HERC1: variants seen among roughly 807,000 people sequenced by gnomAD.
HERC1 encodes the protein HECT and RLD domain containing E3 ubiquitin protein ligase family member 1, also known as probable E3 ubiquitin-protein ligase HERC1.
Under a neutral mutation model 554.3 loss-of-function variants are expected in HERC1, and 160 were observed. The ratio of observed to expected loss-of-function variants is 0.29; its 90% CI spans 0.25 to 0.33. The LOEUF is 0.33. HERC1 is among the 10% of genes least tolerant of loss of function. HERC1 has a pLI of 1.00. For missense variants in HERC1, 4,919 were observed against 5,918.5 expected (o/e 0.83, Z 5.54); for synonymous variants, 2,175 against 2,131.7 (o/e 1.02, Z -0.56).
chr15:63,687,237 T>A (rs1380533863), intron 33 of HERC1, among the ~76,000 whole-genome samples: 1 of 152,092 alleles, frequency 6.6e-6, no homozygotes, highest in African/African-American at 2.4e-5. Context: ...CCCTGCAAGT[T>A]CAGGTAAGAA....
intron 37 of HERC1, 101 bp from the exon 38 acceptor site, chr15:63,675,218 C>A: frequency 4.5e-6 from 4 of 895,246 alleles, no homozygotes; most frequent in South Asian, 1.9e-5. Flanking sequence ...ATCATGTACA[C>A]AATACAGAGA....
Position 63,635,952 on chromosome 15 carries a change from C to T in HERC1, c.12414+9G>A. 1 of 1,612,614 alleles carries T rather than the reference C, an allele frequency of 6.2e-7. No homozygotes were observed. Among genetic ancestry groups the T allele is most frequent in the Non-Finnish European group, 8.5e-7 (1 of 1,179,230 alleles). The stretch of plus-strand genomic sequence containing the variant: ...AATGAAAGGCAAACTTATCCATTTC[C>T]TGCCTGACCTGCACCACTTCTTCTC... On this transcript the variant is annotated intron_variant, in intron 65 of 77. Transcript: ENST00000443617.
Position 63,713,371 on chromosome 15 carries a change from C to T in HERC1, c.4445G>A (p.Gly1482Glu), listed in dbSNP as rs762309385. 3 of 1,613,862 alleles carry T rather than the reference C, an allele frequency of 1.9e-6. No individual in the cohort carries two copies. The highest frequency in any genetic ancestry group is 2.5e-6 in the Non-Finnish European group (3 of 1,179,794). Reference protein sequence around the residue: ...LQQPSTSASEGGGLMTRSESL... With the variant: ...LQQPSTSASEEGGLMTRSESL... ...GTCCCACCTGGTCATAAGTCCACCCCCTTCAGAGGCACTTGTTGAAGGTTG... is the reference window on the plus strand; with the variant it reads ...GTCCCACCTGGTCATAAGTCCACCCTCTTCAGAGGCACTTGTTGAAGGTTG... Residue 1482 changes from glycine to glutamate, a missense_variant, in exon 23 of 78, where the codon GGG becomes GAG. By Grantham distance (98) the Gly-to-Glu change is moderately conservative. Transcript: ENST00000443617.
At chr15:63,831,118 T>A (rs1218358908) in intron 1 of HERC1, among the ~76,000 whole-genome samples, 1 of 152,210 alleles carries the variant, frequency 6.6e-6, no homozygotes, top group Non-Finnish European at 1.5e-5. Flanking sequence ...TGTTTTATTT[T>A]GCTTTTGAGA....
intron 24 of HERC1, among the ~76,000 whole-genome samples, chr15:63,710,225 G>A (rs943612363): frequency 1.3e-5 from 2 of 152,182 alleles, no homozygotes; most frequent in African/African-American, 4.8e-5. Context: ...AAGACAAGAT[G>A]TTTGAGTAGG....
chr15:63,612,307 G>A lies in HERC1; in HGVS notation c.14344C>T (p.Leu4782=), dbSNP rs373488853. 6.2e-7 allele frequency: 1 copy of A among 1,613,766 alleles called. No homozygotes were observed. Among genetic ancestry groups the A allele is most frequent in the Non-Finnish European group, 8.5e-7 (1 of 1,179,684 alleles). Residue 4782 remains leucine (L), a synonymous_variant, in exon 77 of 78, where the codon CTA becomes TTA. Coordinates refer to ENST00000443617, the MANE Select transcript of HERC1 (RefSeq NM_003922.4). This position sits in a 1 kb window ranked among gnomAD's most constrained non-coding sequence, Gnocchi z 5.0. ...GAAATGTCAGCAGTGTTGGCTGGTAGTCGAGATCTTCCTGACACAAACCTC... is the reference window on the plus strand; with the variant it reads ...GAAATGTCAGCAGTGTTGGCTGGTAATCGAGATCTTCCTGACACAAACCTC... ...FMRFVSGRSR[L]PANTADISQR...
intron 26 of HERC1, among the ~76,000 whole-genome samples, chr15:63,697,104 T>C (rs915584882): frequency 2.0e-5 from 3 of 152,192 alleles, no homozygotes; most frequent in Non-Finnish European, 1.5e-5. Context: ...TACAATACTA[T>C]CAACTAAACC....
chr15:63,654,185 T>C lies in HERC1; in HGVS notation c.10224A>G (p.Thr3408=). Residue 3408 remains threonine (T), a synonymous_variant, in exon 51 of 78, where the codon ACA becomes ACG. Transcript: ENST00000443617. ...HDRDNQTTLQ[T]LADMGGDLRK... The stretch of plus-strand genomic sequence containing the variant: ...TAAGATCTCCTCCCATATCAGCAAG[T>C]GTCTGCAGAGTAGTTTGGTTGTCAC... 1 of 1,614,014 alleles carries C rather than the reference T, an allele frequency of 6.2e-7. No individual in the cohort carries two copies. The highest frequency in any genetic ancestry group is 1.3e-5 in the African/African-American group (1 of 75,064).
chr15:63,637,694 A>AG, intron 63 of HERC1, 51 bp from the exon 64 acceptor site: 3 of 1,420,020 alleles, frequency 2.1e-6, no homozygotes, highest in Non-Finnish European at 2.9e-6. Flanking sequence ...ATATTGCTTT[A>AG]ACATGCAAGC....
chr15:63,698,387 C>T lies in HERC1; in HGVS notation c.4905+341G>A, dbSNP rs139816941. Among the ~76,000 whole-genome samples, 242 of 143,566 alleles carry T rather than the reference C, an allele frequency of 1.7e-3. 1 individual carries two copies. Among genetic ancestry groups the T allele is most frequent in the Non-Finnish European group, 1.8e-3 (121 of 67,036 alleles). 94.2% of individuals were successfully genotyped at this position (143,566 alleles called of 152,430 possible). A position where few individuals can be genotyped will look rare whatever the true frequency, so the allele number is the denominator to read the frequency against. On this transcript the variant is annotated intron_variant, in intron 26 of 77. Coordinates refer to ENST00000443617, the MANE Select transcript of HERC1 (RefSeq NM_003922.4). ...GAGTCAAGATCTCACCATTGCACTA[C>T]AGCCTGGGCAACGAGAGCGAAACTC...
At chr15:63,724,169 A>C (rs2073939815) in intron 18 of HERC1, among the ~76,000 whole-genome samples, 1 of 152,250 alleles carries the variant, frequency 6.6e-6, no homozygotes, top group Admixed American at 6.5e-5. Flanking sequence ...AGTTTAATTG[A>C]ATAAATATAA....
chr15:63,752,243 C>T (rs1230601402), intron 8 of HERC1, among the ~76,000 whole-genome samples: 1 of 152,148 alleles, frequency 6.6e-6, no homozygotes, highest in Non-Finnish European at 1.5e-5. Context: ...GTCAATTAGT[C>T]ATAAAACACT....
At chr15:63,619,488 T>C (rs1219181410) in intron 74 of HERC1, among the ~76,000 whole-genome samples, 1 of 152,204 alleles carries the variant, frequency 6.6e-6, no homozygotes, top group African/African-American at 2.4e-5. Context: ...CAGGCTTTGG[T>C]TTCAGGATGA....
intron 1 of HERC1, chr15:63,779,969 A>G (rs1220221398): frequency 6.7e-6 from 1 of 148,496 alleles, no homozygotes; most frequent in Non-Finnish European, 1.5e-5. Flanking sequence ...AGCCGAGATC[A>G]CAAGACTGCA....
chr15:63,774,747 T>A lies in HERC1; in HGVS notation c.877A>T (p.Met293Leu), dbSNP rs566763819. 1.2e-6 allele frequency: 2 copies of A among 1,613,974 alleles called. No individual in the cohort carries two copies. Among genetic ancestry groups the A allele is most frequent in the South Asian group, 1.1e-5 (1 of 91,060 alleles). ...GTCATAAAGCAGTCAAAGCTGATCA[T>A]TCCTTCCTGGCTTGAGAGTAGTTTG... ...KGKLLSSQEG[M>L]ISFDCFMTIL... Residue 293 changes from methionine to leucine, a missense_variant, in exon 2 of 78, where the codon ATG becomes TTG. Around this residue, in one of 11 missense-constraint regions of HERC1, gnomAD observed 744 missense variants for 1,090.0 expected, o/e 0.68. Transcript: ENST00000443617.
chr15:63,631,125 CA>C, intron 68 of HERC1, among the ~76,000 whole-genome samples: 1 of 152,326 alleles, frequency 6.6e-6, no homozygotes, highest in East Asian at 1.9e-4. Context: ...ACCACAGGCA[CA>C]TGCCACCATG....
In HERC1 at chr15:63,637,729, T is replaced by C. The variant is rs866922886; in HGVS notation, c.12094-86A>G. ...CACTTGAAATGATTCCACGTATACA[T>C]AGAATGCTTTTATAATTGTTTTATC... On this transcript the variant is annotated intron_variant, in intron 63 of 77. Coordinates refer to ENST00000443617, the MANE Select transcript of HERC1 (RefSeq NM_003922.4). The C allele has an allele frequency of 9.1e-5, 98 of 1,075,424 alleles. 1 individual carries two copies. The highest frequency in any genetic ancestry group is 2.4e-4 in the Admixed American group (9 of 37,066). 66.6% of individuals were successfully genotyped at this position (1,075,424 alleles called of 1,614,324 possible). A position where few individuals can be genotyped will look rare whatever the true frequency, so the allele number is the denominator to read the frequency against.
intron 7 of HERC1, among the ~76,000 whole-genome samples, chr15:63,753,604 AATG>A (rs1390571934): frequency 6.6e-6 from 1 of 152,180 alleles, no homozygotes; most frequent in African/African-American, 2.4e-5. Flanking sequence ...GTATAAATTA[AATG>A]ATACCATTTT....
rs1162868695 is a variant in HERC1 at position 63,677,182 on chromosome 15, T to C, written c.7070+663A>G. On this transcript the variant is annotated intron_variant, in intron 37 of 77. Transcript: ENST00000443617. This position sits in a 1 kb window ranked among gnomAD's most constrained non-coding sequence, Gnocchi z 4.4. Reference sequence around the variant, plus strand: ...AATATTCATTGGAGCACTTTGGATTTTGGATTTTTGGATTTGGGATGCTCA... The same window carrying C: ...AATATTCATTGGAGCACTTTGGATTCTGGATTTTTGGATTTGGGATGCTCA... Among the ~76,000 whole-genome samples the C allele has an allele frequency of 6.6e-6, 1 of 152,190 alleles. No individual in the cohort carries two copies. The highest frequency in any genetic ancestry group is 1.5e-5 in the Non-Finnish European group (1 of 68,032).
Sources: gnomAD v4.1 joint callset for allele counts (sites outside exome capture counted in the v4.1 genomes callset) on GRCh38, gnomAD v4.1.1 for gene constraint, gnomAD v4.1.1 regional missense constraint, Gnocchi (gnomAD v3.1) non-coding constraint, MANE v1.5 for transcripts, NCBI Gene and HGNC (gene_info 2026-07-23, HGNC 2026-07-21) for gene names.